Variants in GATAD2B observed in about 807,000 individuals in gnomAD.
GATAD2B encodes the protein GATA zinc finger domain containing 2B.
Under a neutral mutation model 64.3 loss-of-function variants are expected in GATAD2B, and 8 were observed. The observed-to-expected ratio is 0.12, with a 90% CI of 0.07 to 0.22. The LOEUF (loss-of-function observed/expected upper bound fraction) is 0.22, where lower values mean the gene tolerates loss of function less well. Ranked by LOEUF, GATAD2B falls within the 10% of genes least tolerant of loss-of-function variation. The pLI, the probability that GATAD2B is intolerant of heterozygous loss-of-function variation, is 1.00. For missense variants in GATAD2B, 453 were observed against 752.0 expected (o/e 0.60, Z 4.65); for synonymous variants, 281 against 271.3 (o/e 1.04, Z -0.35).
intron 1 of GATAD2B, among the ~76,000 whole-genome samples, chr1:153,849,516 ACAC>A (rs1343367286): frequency 6.6e-6 from 1 of 152,226 alleles, no homozygotes; most frequent in Non-Finnish European, 1.5e-5. Context: ...TTAGCAAATG[ACAC>A]CACTATTCAA....
At chr1:153,874,157 G>A (rs942780815) in intron 1 of GATAD2B, among the ~76,000 whole-genome samples, 1 of 151,822 alleles carries the variant, frequency 6.6e-6, no homozygotes, top group Non-Finnish European at 1.5e-5. Context: ...AGCTACTTGG[G>A]AGGCTGAGGC....
intron 1 of GATAD2B, among the ~76,000 whole-genome samples, chr1:153,903,438 T>C (rs994290240): frequency 6.6e-6 from 1 of 152,148 alleles, no homozygotes; most frequent in Non-Finnish European, 1.5e-5. Flanking sequence ...AGATTCAGGA[T>C]TACAGATGAA....
At chr1:153,848,077 T>C (rs543481457) in intron 1 of GATAD2B, among the ~76,000 whole-genome samples, 1 of 152,316 alleles carries the variant, frequency 6.6e-6, no homozygotes, top group African/African-American at 2.4e-5. Context: ...AGTTCTATTA[T>C]TTAGCCAGTG....
At chr1:153,811,314 C>G (rs1419174833) in intron 10 of GATAD2B, among the ~76,000 whole-genome samples, 1 of 152,150 alleles carries the variant, frequency 6.6e-6, no homozygotes, top group African/African-American at 2.4e-5. Context: ...ATGGGAGAGA[C>G]AAGTGAAACA....
intron 2 of GATAD2B, among the ~76,000 whole-genome samples, chr1:153,823,610 A>G (rs1422731848): frequency 6.6e-6 from 1 of 152,140 alleles, no homozygotes; most frequent in African/African-American, 2.4e-5. Context: ...TTGGCCTCCC[A>G]AAGTGCTGGG....
chr1:153,920,609 T>A lies in GATAD2B; in HGVS notation c.-2+2124A>T, dbSNP rs1678401235. Among the ~76,000 whole-genome samples, 7 of 152,180 alleles carry A rather than the reference T, an allele frequency of 4.6e-5. No individual in the cohort carries two copies. The South Asian group carries it at 1.4e-3, about 32-fold the overall frequency. On this transcript the variant is annotated intron_variant, in intron 1 of 10. Transcript: ENST00000368655. ...AAACAGGAAGTTAACACACATCACATACGGTCAGGGAAGGCAAACCACAGT... is the reference window on the plus strand; with the variant it reads ...AAACAGGAAGTTAACACACATCACAAACGGTCAGGGAAGGCAAACCACAGT...
At position 153,818,014 on chromosome 1, in the gene GATAD2B, C is replaced by G. The variant is rs1325081668; in HGVS notation, c.729+26G>C. The stretch of plus-strand genomic sequence containing the variant: ...CAGGATTAGACACGGCCCTCCAACA[C>G]TAAGATCCCACTATGGGTCACATAC... On this transcript the variant is annotated intron_variant, in intron 5 of 10. Transcript: ENST00000368655. 5.8e-6 allele frequency: 9 copies of G among 1,564,458 alleles called. No individual in the cohort carries two copies. The Admixed American group carries it at 1.8e-4, about 31-fold the overall frequency.
intron 1 of GATAD2B, among the ~76,000 whole-genome samples, chr1:153,915,712 C>T (rs1678242367): frequency 6.9e-6 from 1 of 144,500 alleles, no homozygotes; most frequent in African/African-American, 2.6e-5. Context: ...TCCATGGAGC[C>T]TGGGCAACAG....
chr1:153,830,514 C>T (rs1675042967), intron 1 of GATAD2B, among the ~76,000 whole-genome samples: 3 of 131,924 alleles, frequency 2.3e-5, no homozygotes, highest in Admixed American at 8.0e-5. Context: ...CTCGCTCTGT[C>T]GCCCAGGCTG....
At chr1:153,838,818 A>G (rs1454102307) in intron 1 of GATAD2B, among the ~76,000 whole-genome samples, 1 of 152,192 alleles carries the variant, frequency 6.6e-6, no homozygotes, top group Non-Finnish European at 1.5e-5. Flanking sequence ...GCAGTATATA[A>G]GAAGGCAGAG....
chr1:153,918,426 T>C (rs540352779), intron 1 of GATAD2B, among the ~76,000 whole-genome samples: 13 of 152,326 alleles, frequency 8.5e-5, no homozygotes, highest in Admixed American at 3.9e-4. Flanking sequence ...AAAAATCCTC[T>C]GGGCAAGAGA....
chr1:153,850,412 G>T (rs1675846941), intron 1 of GATAD2B, among the ~76,000 whole-genome samples: 1 of 152,030 alleles, frequency 6.6e-6, no homozygotes, highest in Admixed American at 6.5e-5. Flanking sequence ...TGATCCTCCT[G>T]CCTCAGCCTC....
chr1:153,905,652 C>T (rs1465302140), intron 1 of GATAD2B, among the ~76,000 whole-genome samples: 1 of 151,400 alleles, frequency 6.6e-6, no homozygotes, highest in Non-Finnish European at 1.5e-5. Context: ...AGTGTGGTAG[C>T]CCGGCATAGT....
At chr1:153,880,147 T>A (rs1676965001) in intron 1 of GATAD2B, among the ~76,000 whole-genome samples, 1 of 151,624 alleles carries the variant, frequency 6.6e-6, no homozygotes, top group Admixed American at 6.6e-5. Flanking sequence ...CCCACCCCTG[T>A]ACCCTTGGCA....
Position 153,895,050 on chromosome 1 carries a change from T to C in GATAD2B, c.-2+27683A>G, listed in dbSNP as rs192388406. On this transcript the variant is annotated intron_variant, in intron 1 of 10. Transcript: ENST00000368655. ...GCACATGCCTGTAATCCCAGCTACT[T>C]GGGAGGCTGAGGCAGGAGAATCCCT... 1.3e-3 allele frequency among the ~76,000 whole-genome samples: 195 copies of C among 152,226 alleles called. 2 individuals are homozygous for C. The highest frequency in any genetic ancestry group is 4.5e-3 in the African/African-American group (189 of 41,542).
intron 1 of GATAD2B, among the ~76,000 whole-genome samples, chr1:153,855,933 T>C (rs897019111): frequency 3.3e-5 from 5 of 152,218 alleles, no homozygotes; most frequent in African/African-American, 1.2e-4. Context: ...TTCATCCGCC[T>C]TGGCCTCCCA....
intron 1 of GATAD2B, among the ~76,000 whole-genome samples, chr1:153,919,838 T>C (rs562219696): frequency 1.3e-5 from 2 of 152,360 alleles, no homozygotes; most frequent in Admixed American, 6.5e-5. Context: ...TCAGAAAATG[T>C]CTGGCTATTG....
intron 1 of GATAD2B, among the ~76,000 whole-genome samples, chr1:153,914,393 T>C (rs1678204040): frequency 6.6e-6 from 1 of 152,204 alleles, no homozygotes; most frequent in Admixed American, 6.6e-5. Flanking sequence ...AAGCAGTTAC[T>C]GATTCTCATT....
intron 1 of GATAD2B, among the ~76,000 whole-genome samples, chr1:153,846,340 C>A (rs1675688027): frequency 1.3e-5 from 2 of 151,984 alleles, no homozygotes; most frequent in Admixed American, 1.3e-4. Flanking sequence ...TCAAGTGATT[C>A]TTCTGCCTCA....
Sources: allele counts gnomAD v4.1 joint callset (sites outside exome capture counted in the v4.1 genomes callset), GRCh38; gene constraint gnomAD v4.1.1; transcripts MANE v1.5; gene names NCBI Gene and HGNC (gene_info 2026-07-23, HGNC 2026-07-21).